EXOC4: variants seen among roughly 807,000 people sequenced by gnomAD.
EXOC4 encodes the protein exocyst complex component 4, also known as SEC8-like 1.
In EXOC4, 71 loss-of-function variants were observed where a neutral mutation model predicts 107.2. The ratio of observed to expected loss-of-function variants is 0.66; its 90% confidence interval spans 0.55 to 0.81. The LOEUF is 0.81. EXOC4 is among the 30% of genes least tolerant of loss of function. EXOC4 has a pLI of 0.00. For synonymous variants in EXOC4, 456 were observed against 441.2 expected (o/e 1.03, Z -0.42); for missense variants, 1,108 against 1,189.6 (o/e 0.93, Z 1.01).
intron 6 of EXOC4, among the ~76,000 whole-genome samples, chr7:133,370,105 C>A (rs1044134671): frequency 4.0e-5 from 6 of 151,864 alleles, no homozygotes; most frequent in South Asian, 2.1e-4. Flanking sequence ...TTCCAGATTT[C>A]TAATTTCACT....
At chr7:134,053,680 G>A (rs1795853159) in intron 17 of EXOC4, among the ~76,000 whole-genome samples, 1 of 151,514 alleles carries the variant, frequency 6.6e-6, no homozygotes, top group Non-Finnish European at 1.5e-5. Flanking sequence ...GATGAGGATG[G>A]AGCAAGTAAC....
intron 7 of EXOC4, among the ~76,000 whole-genome samples, chr7:133,466,197 G>A (rs1418313913): frequency 2.0e-5 from 3 of 151,664 alleles, no homozygotes; most frequent in Non-Finnish European, 2.9e-5. Context: ...AATAATAAAG[G>A]TAAAGTGATA....
intron 9 of EXOC4, among the ~76,000 whole-genome samples, chr7:133,611,876 A>G (rs975453363): frequency 2.0e-5 from 3 of 152,174 alleles, no homozygotes; most frequent in Non-Finnish European, 4.4e-5. Context: ...ACAGAAGACA[A>G]TTTGTAATTA....
intron 13 of EXOC4, among the ~76,000 whole-genome samples, chr7:133,920,670 T>C (rs1388831174): frequency 1.3e-5 from 2 of 152,230 alleles, no homozygotes; most frequent in African/African-American, 4.8e-5. Flanking sequence ...ATGTTATTGT[T>C]ATTATTTTGA....
At chr7:133,640,005 C>T (rs568792542) in intron 10 of EXOC4, among the ~76,000 whole-genome samples, 76 of 151,980 alleles carry the variant, frequency 5.0e-4, no homozygotes, top group Non-Finnish European at 9.7e-4. Context: ...TTTTAAAAAT[C>T]TTTTAAAATT....
At chr7:133,816,956 A>C (rs931175742) in intron 10 of EXOC4, among the ~76,000 whole-genome samples, 1 of 152,124 alleles carries the variant, frequency 6.6e-6, no homozygotes, top group Non-Finnish European at 1.5e-5. Context: ...CCTGATGTAA[A>C]GGTTTCGGTG....
In EXOC4 at chr7:133,907,021, G is replaced by A. The variant is rs146266055; in HGVS notation, c.1872-10562G>A. Among the ~76,000 whole-genome samples the A allele has an allele frequency of 1.9e-3, 282 of 152,210 alleles. 1 individual carries two copies. The highest frequency in any genetic ancestry group is 6.5e-3 in the African/African-American group (270 of 41,544). ...CGAGGCTTGCCACCATCTTGGAAGC[G>A]GCCAGCCACCATCTTGGGAGCTCTG... On this transcript the variant is annotated intron_variant, in intron 12 of 17. Coordinates refer to ENST00000253861, the MANE Select transcript of EXOC4 (RefSeq NM_021807.4).
intron 10 of EXOC4, among the ~76,000 whole-genome samples, chr7:133,801,695 A>G (rs2542271): frequency 0.99 from 150,268 of 152,280 alleles, 74,182 homozygotes; most frequent in Middle Eastern, 1. Flanking sequence ...TCTGTCACTG[A>G]AGAACTCAGA....
At chr7:133,904,857 A>T (rs542783166) in intron 12 of EXOC4, among the ~76,000 whole-genome samples, 1 of 152,192 alleles carries the variant, frequency 6.6e-6, no homozygotes, top group African/African-American at 2.4e-5. Flanking sequence ...CTGAAGATGC[A>T]AAGTGTCCTT....
At chr7:133,828,554 T>C (rs1797747681) in intron 11 of EXOC4, among the ~76,000 whole-genome samples, 1 of 152,192 alleles carries the variant, frequency 6.6e-6, no homozygotes. Context: ...CTATCTCAGC[T>C]TCAAAGTTTA....
chr7:133,569,882 C>T (rs1800983815), intron 9 of EXOC4, among the ~76,000 whole-genome samples: 1 of 152,314 alleles, frequency 6.6e-6, no homozygotes, highest in African/African-American at 2.4e-5. Context: ...TATTTTACAT[C>T]TCTGTCACCG....
intron 10 of EXOC4, among the ~76,000 whole-genome samples, chr7:133,796,344 A>G (rs1481229688): frequency 6.6e-6 from 1 of 152,222 alleles, no homozygotes. Context: ...TCTGGTGGAA[A>G]TAGGGCCAGA....
intron 10 of EXOC4, among the ~76,000 whole-genome samples, chr7:133,789,265 T>C (rs1021517274): frequency 3.3e-5 from 5 of 152,194 alleles, no homozygotes; most frequent in African/African-American, 9.7e-5. Flanking sequence ...CTTAGTTTAT[T>C]CTTTATCTAA....
At chr7:133,653,972 G>T (rs1252759195) in intron 10 of EXOC4, among the ~76,000 whole-genome samples, 1 of 152,166 alleles carries the variant, frequency 6.6e-6, no homozygotes, top group Non-Finnish European at 1.5e-5. Context: ...AAGAAACCTA[G>T]TCGGGAAAGG....
chr7:133,464,689 G>A (rs1410127768), intron 7 of EXOC4, among the ~76,000 whole-genome samples: 1 of 151,594 alleles, frequency 6.6e-6, no homozygotes, highest in Non-Finnish European at 1.5e-5. Context: ...GAAGGAGTCA[G>A]TATATTATGA....
intron 6 of EXOC4, among the ~76,000 whole-genome samples, chr7:133,370,327 A>G (rs1370476532): frequency 6.6e-6 from 1 of 151,966 alleles, no homozygotes; most frequent in Non-Finnish European, 1.5e-5. Context: ...TTTATTTTAT[A>G]CATTTTAGGG....
chr7:133,953,407 G>A (rs1049317634), intron 14 of EXOC4, among the ~76,000 whole-genome samples: 1 of 151,990 alleles, frequency 6.6e-6, no homozygotes, highest in Non-Finnish European at 1.5e-5. Flanking sequence ...AGACCAGACT[G>A]GGCAACACAG....
intron 11 of EXOC4, among the ~76,000 whole-genome samples, chr7:133,853,317 C>G (rs984608204): frequency 6.8e-6 from 1 of 147,916 alleles, no homozygotes; most frequent in Non-Finnish European, 1.5e-5. Flanking sequence ...CTCTCCCTCT[C>G]TTTCTGTCTC....
chr7:133,714,111 C>G (rs918436616), intron 10 of EXOC4, among the ~76,000 whole-genome samples: 2 of 152,058 alleles, frequency 1.3e-5, no homozygotes, highest in African/African-American at 4.8e-5. Context: ...TAGGTAGAAG[C>G]TTTCTAGAGT....
Sources: allele counts gnomAD v4.1 joint callset (sites outside exome capture counted in the v4.1 genomes callset), GRCh38; gene constraint gnomAD v4.1.1; transcripts MANE v1.5; gene names NCBI Gene and HGNC (gene_info 2026-07-23, HGNC 2026-07-21).